Variants in SGCZ observed in about 807,000 individuals in gnomAD.
SGCZ encodes the protein sarcoglycan zeta.
In SGCZ, 40 loss-of-function variants were observed where a neutral mutation model predicts 41.3. That is an observed-to-expected ratio of 0.97 (90% confidence interval 0.75 to 1.26). The LOEUF is 1.26. SGCZ is among the 50% of genes most tolerant of loss of function. SGCZ has a pLI of 0.00. For missense variants in SGCZ, 552 were observed against 369.8 expected (o/e 1.49, Z -4.04); for synonymous variants, 206 against 137.5 (o/e 1.50, Z -3.49).
At chr8:14,520,450 C>G (rs1043473778) in intron 2 of SGCZ, among the ~76,000 whole-genome samples, 2 of 152,040 alleles carry the variant, frequency 1.3e-5, no homozygotes, top group Admixed American at 6.6e-5. Context: ...GTGTAAGAAA[C>G]CAATGCTTTA....
At chr8:14,244,619 A>G (rs1448018839) in intron 3 of SGCZ, among the ~76,000 whole-genome samples, 4 of 151,452 alleles carry the variant, frequency 2.6e-5, no homozygotes, top group Non-Finnish European at 4.4e-5. Context: ...GTTTTTTCCA[A>G]TTCTGTGCAG....
chr8:14,268,776 T>C (rs527398265), intron 3 of SGCZ, among the ~76,000 whole-genome samples: 5 of 152,042 alleles, frequency 3.3e-5, no homozygotes, highest in African/African-American at 1.2e-4. Context: ...GTATTGCTCA[T>C]TTAAAAAATC....
chr8:15,120,012 T>C (rs867408154), intron 1 of SGCZ, among the ~76,000 whole-genome samples: 11 of 152,156 alleles, frequency 7.2e-5, no homozygotes, highest in African/African-American at 2.7e-4. Flanking sequence ...TTTGTAGAGA[T>C]AGAGTCTTGC....
intron 1 of SGCZ, among the ~76,000 whole-genome samples, chr8:14,963,563 G>C (rs750229833): frequency 1.3e-5 from 2 of 151,974 alleles, no homozygotes; most frequent in African/African-American, 2.4e-5. Context: ...GCCCAGGCTG[G>C]TTTCGAACAC....
chr8:15,043,943 C>G (rs1161904968), intron 1 of SGCZ, among the ~76,000 whole-genome samples: 1 of 152,070 alleles, frequency 6.6e-6, no homozygotes, highest in Non-Finnish European at 1.5e-5. Context: ...CCTACTCCCA[C>G]AAGGTTCTCT....
intron 1 of SGCZ, among the ~76,000 whole-genome samples, chr8:14,986,508 G>T (rs183740166): frequency 6.6e-6 from 1 of 152,140 alleles, no homozygotes; most frequent in Admixed American, 6.5e-5. Flanking sequence ...GAAGGGATTT[G>T]CTCTTGGTAA....
chr8:15,226,185 A>G (rs1462686175), intron 1 of SGCZ, among the ~76,000 whole-genome samples: 1 of 152,128 alleles, frequency 6.6e-6, no homozygotes, highest in Non-Finnish European at 1.5e-5. Flanking sequence ...GGACCTACCT[A>G]CCTACCTCCC....
chr8:14,585,065 G>T (rs962055616), intron 1 of SGCZ, among the ~76,000 whole-genome samples: 3 of 152,078 alleles, frequency 2.0e-5, no homozygotes, highest in Non-Finnish European at 4.4e-5. Context: ...CAAGGTCACA[G>T]AATAAATGTG....
chr8:15,057,835 T>C (rs1252592631), intron 1 of SGCZ, among the ~76,000 whole-genome samples: 1 of 152,234 alleles, frequency 6.6e-6, no homozygotes, highest in Non-Finnish European at 1.5e-5. Flanking sequence ...TGAATTTATA[T>C]CCTTTATCTT....
At chr8:14,616,541 A>G (rs189342032) in intron 1 of SGCZ, among the ~76,000 whole-genome samples, 1 of 152,250 alleles carries the variant, frequency 6.6e-6, no homozygotes, top group African/African-American at 2.4e-5. Flanking sequence ...TCAAATGTAA[A>G]TTTTATATGA....
At chr8:14,486,219 TC>T (rs1424918929) in intron 2 of SGCZ, among the ~76,000 whole-genome samples, 1 of 152,126 alleles carries the variant, frequency 6.6e-6, no homozygotes, top group East Asian at 1.9e-4. Context: ...TGCCTACACT[TC>T]CTCTCCCCCT....
intron 2 of SGCZ, among the ~76,000 whole-genome samples, chr8:14,515,598 T>C (rs989620012): frequency 1.4e-4 from 21 of 152,278 alleles, no homozygotes; most frequent in Non-Finnish European, 2.5e-4. Context: ...CTATTTGAAA[T>C]GTAAAGCAGA....
chr8:14,901,607 T>C (rs1039611856), intron 1 of SGCZ, among the ~76,000 whole-genome samples: 6 of 151,876 alleles, frequency 4.0e-5, no homozygotes, highest in Admixed American at 3.9e-4. Flanking sequence ...GGGGTGAAAA[T>C]TTTCGGGTGA....
intron 1 of SGCZ, among the ~76,000 whole-genome samples, chr8:15,089,511 C>T (rs192717117): frequency 6.6e-6 from 1 of 152,086 alleles, no homozygotes; most frequent in Admixed American, 6.6e-5. Context: ...TACAGTGATA[C>T]TCCTCATGTC....
chr8:15,000,215 C>T (rs1217316481), intron 1 of SGCZ, among the ~76,000 whole-genome samples: 2 of 152,136 alleles, frequency 1.3e-5, no homozygotes, highest in Non-Finnish European at 2.9e-5. Flanking sequence ...CCCTGCCCAG[C>T]ACCTTGATCT....
intron 1 of SGCZ, among the ~76,000 whole-genome samples, chr8:14,686,873 A>G (rs1209342632): frequency 1.3e-5 from 2 of 152,126 alleles, no homozygotes; most frequent in African/African-American, 4.8e-5. Flanking sequence ...CATCAGCAGC[A>G]CAAGGGATAA....
intron 1 of SGCZ, among the ~76,000 whole-genome samples, chr8:14,734,005 A>T (rs1053189502): frequency 2.0e-5 from 3 of 152,232 alleles, no homozygotes; most frequent in African/African-American, 7.2e-5. Flanking sequence ...CAGTTAATGG[A>T]GAAGCTGAAC....
At position 14,163,862 on chromosome 8, in the gene SGCZ, C is replaced by A. The variant is rs539203463; in HGVS notation, c.547+718G>T. On this transcript the variant is annotated intron_variant, in intron 5 of 7. Coordinates refer to ENST00000382080, the MANE Select transcript of SGCZ (RefSeq NM_139167.4). ...GAAGTCAAATATACTTTATTATTTT[C>A]TTCTTGTTTTTTAAAATGTAGACCT... is the stretch of plus-strand genomic sequence containing the variant. Among the ~76,000 whole-genome samples the A allele has an allele frequency of 5.9e-5, 9 of 152,164 alleles. No homozygotes were observed. In the East Asian group the frequency reaches 1.7e-3, roughly 29 times the overall value.
At chr8:14,578,332 T>G (rs1274208681) in intron 1 of SGCZ, among the ~76,000 whole-genome samples, 1 of 152,184 alleles carries the variant, frequency 6.6e-6, no homozygotes, top group Non-Finnish European at 1.5e-5. Context: ...GTCAGAGTAT[T>G]CTGGTGCCCA....
Sources: gnomAD v4.1 joint callset for allele counts (sites outside exome capture counted in the v4.1 genomes callset) on GRCh38, gnomAD v4.1.1 for gene constraint, MANE v1.5 for transcripts, NCBI Gene and HGNC (gene_info 2026-07-23, HGNC 2026-07-21) for gene names.